CSMD3: variants seen among roughly 807,000 people sequenced by gnomAD.
The protein encoded by CSMD3 is CUB and sushi domain-containing protein 3.
CSMD3 carries 177 observed loss-of-function variants against 435.2 expected under a neutral mutation model. The observed-to-expected ratio is 0.41, with a 90% CI of 0.36 to 0.46. The LOEUF (loss-of-function observed/expected upper bound fraction) is 0.46. Among genes scored for constraint, CSMD3 ranks in the 20% least tolerant of loss-of-function variants. CSMD3 has a pLI of 0.34. For synonymous variants in CSMD3, 1,656 were observed against 1,520.5 expected, an observed-to-expected ratio of 1.09 and a Z score of -2.07; for missense variants, 4,265 against 4,504.6, an observed-to-expected ratio of 0.95 and a Z score of 1.52.
At chr8:112,824,894 G>T (rs538913949) in intron 12 of CSMD3, among the ~76,000 whole-genome samples, 84 of 152,110 alleles carry the variant, frequency 5.5e-4, no homozygotes, top group South Asian at 3.7e-3. Context: ...TATCCTGAAG[G>T]GTGTTTTCCA....
intron 3 of CSMD3, among the ~76,000 whole-genome samples, chr8:113,178,494 AG>A (rs1015833176): frequency 6.6e-6 from 1 of 151,946 alleles, no homozygotes; most frequent in African/African-American, 2.4e-5. Flanking sequence ...GGCTACCAAA[AG>A]TAATAAATGA....
intron 38 of CSMD3, among the ~76,000 whole-genome samples, chr8:112,377,915 G>T (rs911746815): frequency 1.3e-5 from 2 of 151,802 alleles, no homozygotes; most frequent in African/African-American, 4.8e-5. Flanking sequence ...AAAACAAAAA[G>T]CTTTTTCTTT....
intron 13 of CSMD3, among the ~76,000 whole-genome samples, chr8:112,775,419 C>A (rs957444008): frequency 4.6e-5 from 7 of 151,810 alleles, no homozygotes; most frequent in Admixed American, 4.6e-4. Flanking sequence ...ATCACTGAAT[C>A]AAGCTTTTAT....
intron 2 of CSMD3, among the ~76,000 whole-genome samples, chr8:113,286,071 T>A (rs1052678504): frequency 6.6e-6 from 1 of 152,074 alleles, no homozygotes; most frequent in African/African-American, 2.4e-5. Flanking sequence ...TAATTGATAA[T>A]CTCTATTCTT....
At chr8:113,248,926 T>G (rs963194484) in intron 3 of CSMD3, among the ~76,000 whole-genome samples, 1 of 152,022 alleles carries the variant, frequency 6.6e-6, no homozygotes, top group African/African-American at 2.4e-5. Flanking sequence ...AAAAATGTTA[T>G]TCATATGATA....
intron 4 of CSMD3, among the ~76,000 whole-genome samples, chr8:113,131,509 T>C (rs983521903): frequency 1.4e-4 from 21 of 152,124 alleles, no homozygotes; most frequent in African/African-American, 4.6e-4. Context: ...TGCAGGTGTA[T>C]GGAAGGCAAG....
At chr8:112,609,520 G>A (rs11992879) in intron 22 of CSMD3, among the ~76,000 whole-genome samples, 25,411 of 152,040 alleles carry the variant, frequency 0.17, 2,695 homozygotes, top group South Asian at 0.29. Context: ...GATAAAAAAT[G>A]TTGGCATGGA....
chr8:113,420,945 AG>A (rs2094606278), intron 1 of CSMD3, among the ~76,000 whole-genome samples: 3 of 152,042 alleles, frequency 2.0e-5, no homozygotes. Context: ...AAAAAAAAAA[AG>A]AAATGTAAAT....
chr8:112,518,044 G>A (rs367608710), intron 27 of CSMD3, among the ~76,000 whole-genome samples: 19 of 152,188 alleles, frequency 1.2e-4, no homozygotes, highest in South Asian at 6.2e-4. Flanking sequence ...ATGTTTAAAC[G>A]ATGGTAAATC....
rs1221028152 is a variant in CSMD3 at position 112,487,982 on chromosome 8, AT to A, written c.5278+4506del. ...AGGGAAGAAATTATTTTCTAAACAA[AT>A]TTTTTTAATCACAAAAGGAATTGTA... On this transcript the variant is annotated intron_variant, in intron 31 of 70. Coordinates refer to ENST00000297405, the MANE Select transcript of CSMD3 (RefSeq NM_198123.2). Among the ~76,000 whole-genome samples the A allele has an allele frequency of 2.6e-5, 4 of 152,166 alleles. No individual in the cohort carries two copies. In the East Asian group the frequency reaches 5.8e-4, roughly 22 times the overall value.
At chr8:112,644,806 A>G (rs934996353) in intron 20 of CSMD3, among the ~76,000 whole-genome samples, 4 of 152,140 alleles carry the variant, frequency 2.6e-5, no homozygotes, top group African/African-American at 9.6e-5. Flanking sequence ...CTATGCCAGA[A>G]ACTAAAGCCC....
chr8:112,247,552 A>C (rs1266488587), intron 63 of CSMD3, among the ~76,000 whole-genome samples: 2 of 152,170 alleles, frequency 1.3e-5, no homozygotes, highest in Non-Finnish European at 2.9e-5. Context: ...ATAAATATTG[A>C]AGGTGAAAAA....
chr8:113,182,703 C>A (rs1168629992), intron 3 of CSMD3, among the ~76,000 whole-genome samples: 1 of 152,024 alleles, frequency 6.6e-6, no homozygotes, highest in East Asian at 1.9e-4. Context: ...TTCCAACTTG[C>A]TACTCAATCC....
intron 3 of CSMD3, among the ~76,000 whole-genome samples, chr8:113,237,382 A>G (rs1056022640): frequency 6.6e-6 from 1 of 152,204 alleles, no homozygotes; most frequent in African/African-American, 2.4e-5. Context: ...TAGTCAATCT[A>G]CATTGGTATA....
intron 13 of CSMD3, among the ~76,000 whole-genome samples, chr8:112,795,606 A>G (rs946584394): frequency 1.3e-5 from 2 of 152,162 alleles, no homozygotes; most frequent in Non-Finnish European, 2.9e-5. Context: ...GGCAAAAATT[A>G]TAAGATTGAG....
intron 3 of CSMD3, among the ~76,000 whole-genome samples, chr8:113,215,092 T>G (rs2092886902): frequency 6.6e-6 from 1 of 151,924 alleles, no homozygotes; most frequent in South Asian, 2.1e-4. Flanking sequence ...ATATTCGTAA[T>G]AAAATATCAT....
chr8:113,410,741 GA>G (rs34022107), intron 1 of CSMD3, among the ~76,000 whole-genome samples: 64,320 of 142,678 alleles, frequency 0.45, 14,358 homozygotes, highest in Middle Eastern at 0.55. Flanking sequence ...ATCTGTACTG[GA>G]AAAAAAAAAA....
chr8:113,128,451 A>G (rs944332018), intron 4 of CSMD3, among the ~76,000 whole-genome samples: 2 of 152,024 alleles, frequency 1.3e-5, no homozygotes, highest in Non-Finnish European at 2.9e-5. Context: ...TAGAGATAGA[A>G]AATAAAATTT....
At chr8:113,210,815 G>T (rs2092825937) in intron 3 of CSMD3, among the ~76,000 whole-genome samples, 1 of 151,804 alleles carries the variant, frequency 6.6e-6, no homozygotes, top group African/African-American at 2.4e-5. Context: ...AGACAGCAGA[G>T]GCTGCAGTAA....
Sources: allele counts gnomAD v4.1 joint callset (sites outside exome capture counted in the v4.1 genomes callset), GRCh38; gene constraint gnomAD v4.1.1; transcripts MANE v1.5; gene names NCBI Gene and HGNC (gene_info 2026-07-23, HGNC 2026-07-21).